The following SPACA7 variants were observed in gnomAD, a reference collection of about 807,000 sequenced individuals.
SPACA7 encodes the protein sperm acrosome associated 7, also known as sperm acrosome-associated protein 7.
In SPACA7, 19 loss-of-function variants were observed where a neutral mutation model predicts 26.3. That is an observed-to-expected ratio of 0.72 (90% confidence interval 0.50 to 1.06). The LOEUF (loss-of-function observed/expected upper bound fraction) is 1.06. SPACA7 is among the 50% of genes least tolerant of loss of function. The pLI is 0.00. For missense variants in SPACA7, 211 were observed against 229.9 expected (o/e 0.92, Z 0.53); for synonymous variants, 84 against 84.5 (o/e 0.99, Z 0.04).
At chr13:112,396,514 C>CTGAG (rs1232693113) in intron 2 of SPACA7, among the ~76,000 whole-genome samples, 1 of 152,196 alleles carries the variant, frequency 6.6e-6, no homozygotes, top group Non-Finnish European at 1.5e-5. Flanking sequence ...AGACCAGGGA[C>CTGAG]TGAGGCTGGG....
At chr13:112,383,994 A>G (rs1426341641) in intron 1 of SPACA7, among the ~76,000 whole-genome samples, 1 of 152,254 alleles carries the variant, frequency 6.6e-6, no homozygotes, top group African/African-American at 2.4e-5. Context: ...TCACAGGAGT[A>G]TATTTTACTC....
intron 5 of SPACA7, among the ~76,000 whole-genome samples, chr13:112,414,157 C>A (rs774477397): frequency 6.6e-6 from 1 of 152,126 alleles, no homozygotes; most frequent in Non-Finnish European, 1.5e-5. Flanking sequence ...ACGTCCAACA[C>A]TGGGGATCAC....
At chr13:112,377,276 C>T (rs369704848) in intron 1 of SPACA7, among the ~76,000 whole-genome samples, 1 of 152,194 alleles carries the variant, frequency 6.6e-6, no homozygotes, top group African/African-American at 2.4e-5. Context: ...CAGGACCATA[C>T]AATTGTTTGC....
chr13:112,383,581 G>T (rs1884346869), intron 1 of SPACA7, among the ~76,000 whole-genome samples: 1 of 152,142 alleles, frequency 6.6e-6, no homozygotes, highest in African/African-American at 2.4e-5. Flanking sequence ...GCCCAGCCAT[G>T]GATTTGTAAG....
chr13:112,393,216 C>CA (rs1345222921), intron 2 of SPACA7, 139 bp downstream of exon 2: 8 of 595,938 alleles, frequency 1.3e-5, no homozygotes, highest in Non-Finnish European at 2.4e-5. Context: ...AATCATATAC[C>CA]AATGGCCCAT....
intron 5 of SPACA7, among the ~76,000 whole-genome samples, chr13:112,424,355 A>C (rs1876317337): frequency 6.6e-6 from 1 of 152,104 alleles, no homozygotes; most frequent in South Asian, 2.1e-4. Context: ...CTTCTTCCCC[A>C]GTTACGGCTT....
chr13:112,409,356 T>C (rs1886197199), intron 5 of SPACA7, among the ~76,000 whole-genome samples: 2 of 152,112 alleles, frequency 1.3e-5, no homozygotes, highest in Non-Finnish European at 2.9e-5. Context: ...AAAGCCAAAA[T>C]TGACAAATGG....
chr13:112,414,166 A>C (rs1040988058), intron 5 of SPACA7, among the ~76,000 whole-genome samples: 12 of 152,122 alleles, frequency 7.9e-5, no homozygotes, highest in African/African-American at 2.4e-4. Context: ...ACTGGGGATC[A>C]CATTTCAACA....
rs59236283 is a variant in SPACA7 at position 112,421,225 on chromosome 13, C to CAAAAA, written c.446-11205_446-11201dup. Among the ~76,000 whole-genome samples the CAAAAA allele has an allele frequency of 3.2e-3, 277 of 86,800 alleles. 2 individuals carry two copies. Among genetic ancestry groups the CAAAAA allele is most frequent in the African/African-American group, 9.2e-3 (246 of 26,718 alleles). 56.9% of individuals were successfully genotyped at this position (86,800 alleles called of 152,430 possible). ...AAGGGAAAAGAAAGAAAGAAACATG[C>CAAAAA]AAAAAAAAAAAAAAAAAAGTATGTC... On this transcript the variant is annotated intron_variant, in intron 5 of 6. Transcript: ENST00000283550.
At chr13:112,425,140 G>A (rs961997043) in intron 5 of SPACA7, among the ~76,000 whole-genome samples, 1 of 152,222 alleles carries the variant, frequency 6.6e-6, no homozygotes, top group Non-Finnish European at 1.5e-5. Flanking sequence ...TGACAGGACA[G>A]CCATGTGCCA....
intron 1 of SPACA7, among the ~76,000 whole-genome samples, chr13:112,391,280 G>A (rs962804305): frequency 3.9e-5 from 6 of 152,190 alleles, no homozygotes; most frequent in East Asian, 1.9e-4. Flanking sequence ...ACTTTCTCAC[G>A]AGGAACATTG....
rs869183760 is a variant in SPACA7 at position 112,414,388 on chromosome 13, C to CTTTTTTTTTTTTTTTTTTTTT, written c.445+13244_445+13264dup. On this transcript the variant is annotated intron_variant, in intron 5 of 6. Transcript: ENST00000283550. ...AAGTTTCTGAATGGCTTTTCTGTGT[C>CTTTTTTTTTTTTTTTTTTTTT]TTTTTTTTTTTTTTTTTTTTTTTTT... Among the ~76,000 whole-genome samples the CTTTTTTTTTTTTTTTTTTTTT allele has an allele frequency of 1.3e-4, 4 of 31,376 alleles. 2 individuals are homozygous for CTTTTTTTTTTTTTTTTTTTTT. The highest frequency in any genetic ancestry group is 2.3e-4 in the Non-Finnish European group (4 of 17,230). The allele number at this position is 31,376 out of a possible 152,430, so 20.6% of individuals were successfully genotyped here. A position where few individuals can be genotyped will look rare whatever the true frequency, so the allele number is the denominator to read the frequency against.
In SPACA7 at chr13:112,402,626, TATA is replaced by T. The variant is rs375779249; in HGVS notation, c.445+1465_445+1467del. On this transcript the variant is annotated intron_variant, in intron 5 of 6. Coordinates refer to ENST00000283550, the MANE Select transcript of SPACA7 (RefSeq NM_145248.5). ...TGTTCATGGCCTTCATAGAAATGCC[TATA>T]ATGTTTATCCAGTAAGTAGGATTCT... 1.3e-3 allele frequency among the ~76,000 whole-genome samples: 194 copies of T among 152,344 alleles called. 5 individuals carry two copies. In the East Asian group the frequency reaches 0.033, roughly 26 times the overall value.
intron 1 of SPACA7, among the ~76,000 whole-genome samples, chr13:112,379,955 ACAATTTAGCTCT>A (rs1334618354): frequency 6.6e-6 from 1 of 152,244 alleles, no homozygotes; most frequent in Admixed American, 6.5e-5. Flanking sequence ...GGTTTTTAAA[ACAATTTAGCTCT>A]TTTAATATTG....
intron 1 of SPACA7, among the ~76,000 whole-genome samples, chr13:112,383,121 AAAAGAAAGAAAGAAAGAAAGAAAG>A (rs1233884331): frequency 0.044 from 1,484 of 33,754 alleles, 46 homozygotes; most frequent in South Asian, 0.063. Flanking sequence ...AAAAGAAAAG[AAAAGAAAGAAAGAAAGAAAGAAAG>A]AAAGAAAGAA....
At chr13:112,430,757 A>C (rs1037932971) in intron 5 of SPACA7, among the ~76,000 whole-genome samples, 1 of 152,224 alleles carries the variant, frequency 6.6e-6, no homozygotes, top group South Asian at 2.1e-4. Flanking sequence ...GAAACCACAC[A>C]TACATAGGGA....
At chr13:112,392,753 T>A (rs550940248) in intron 1 of SPACA7, among the ~76,000 whole-genome samples, 2 of 152,272 alleles carry the variant, frequency 1.3e-5, no homozygotes, top group East Asian at 3.9e-4. Flanking sequence ...GAGGGCAGGC[T>A]CAGCTCAGAG....
At chr13:112,418,984 T>C (rs1337127980) in intron 5 of SPACA7, among the ~76,000 whole-genome samples, 1 of 151,486 alleles carries the variant, frequency 6.6e-6, no homozygotes, top group Non-Finnish European at 1.5e-5. Context: ...GATCATGCAC[T>C]GCACTCCAGC....
intron 5 of SPACA7, among the ~76,000 whole-genome samples, chr13:112,417,692 A>T (rs1351131909): frequency 6.6e-6 from 1 of 152,130 alleles, no homozygotes; most frequent in Non-Finnish European, 1.5e-5. Context: ...TGATCTACCC[A>T]GGACCCATAT....
Sources: gnomAD v4.1 joint callset for allele counts (sites outside exome capture counted in the v4.1 genomes callset) on GRCh38, gnomAD v4.1.1 for gene constraint, MANE v1.5 for transcripts, NCBI Gene and HGNC (gene_info 2026-07-23, HGNC 2026-07-21) for gene names.